The following SMYD1 variants were observed in gnomAD, a reference collection of about 807,000 sequenced individuals.
SMYD1 encodes SET and MYND domain containing 1.
SMYD1 carries 49 observed loss-of-function variants against 54.0 expected under a neutral mutation model. The observed-to-expected ratio is 0.91, with a 90% confidence interval of 0.72 to 1.15. The LOEUF (loss-of-function observed/expected upper bound fraction) is 1.15, where lower values mean the gene tolerates loss of function less well. SMYD1 is among the 50% of genes most tolerant of loss of function. The pLI, the probability that SMYD1 is intolerant of heterozygous loss-of-function variation, is 0.00. For synonymous variants in SMYD1, 269 were observed against 234.2 expected, an observed-to-expected ratio of 1.15 and a Z score of -1.36; for missense variants, 653 against 639.6, an observed-to-expected ratio of 1.02 and a Z score of -0.23.
At chr2:88,092,032 G>T (rs896014268) in intron 4 of SMYD1, among the ~76,000 whole-genome samples, 1 of 152,204 alleles carries the variant, frequency 6.6e-6, no homozygotes, top group Non-Finnish European at 1.5e-5. Context: ...GCTGGACCCG[G>T]GATAGAGGGC....
At chr2:88,084,560 A>G in intron 2 of SMYD1, 68 bp downstream of exon 2, 1 of 1,449,048 alleles carries the variant, frequency 6.9e-7, no homozygotes, top group East Asian at 2.3e-5. Context: ...GGCAGTAACA[A>G]CATTCCCAGA....
At chr2:88,085,788 T>A (rs1174052077) in intron 2 of SMYD1, among the ~76,000 whole-genome samples, 2 of 152,172 alleles carry the variant, frequency 1.3e-5, no homozygotes, top group Non-Finnish European at 2.9e-5. Context: ...TGAAGACACC[T>A]CAGTTTCCAG....
intron 1 of SMYD1, among the ~76,000 whole-genome samples, chr2:88,081,697 C>G (rs2103985765): frequency 6.6e-6 from 1 of 151,986 alleles, no homozygotes; most frequent in Non-Finnish European, 1.5e-5. Context: ...CGGCTTCCCA[C>G]AGTGCTGGGA....
At chr2:88,077,747 G>A (rs1479542505) in intron 1 of SMYD1, among the ~76,000 whole-genome samples, 5 of 144,688 alleles carry the variant, frequency 3.5e-5, no homozygotes, top group East Asian at 2.0e-4. Context: ...TTTTTGAGAC[G>A]GAGTCTCACA....
chr2:88,073,197 A>G (rs1206973647), intron 1 of SMYD1, among the ~76,000 whole-genome samples: 1 of 152,186 alleles, frequency 6.6e-6, no homozygotes, highest in African/African-American at 2.4e-5. Flanking sequence ...GCTTAGGAGA[A>G]TGGCCTCCAG....
chr2:88,087,929 T>C lies in SMYD1; in HGVS notation c.382T>C (p.Ser128Pro), dbSNP rs746179531. ...CGGGCTCACGGAGGGCTGCCTGGTG[T>C]CCGTGGACGACTTGCAGAACCACGT... ...GTGLTEGCLV[S>P]VDDLQNHVEH... Residue 128 changes from serine (S) to proline (P), a missense_variant, in exon 3 of 10, where the codon TCC becomes CCC. Coordinates refer to ENST00000419482, the MANE Select transcript of SMYD1 (RefSeq NM_198274.4). The C allele has an allele frequency of 6.2e-7, 1 of 1,613,820 alleles. No homozygotes were observed. Among genetic ancestry groups the C allele is most frequent in the South Asian group, 1.1e-5 (1 of 91,060 alleles).
At chr2:88,090,913 T>C (rs750441294) in intron 3 of SMYD1, 99 bp from the exon 4 acceptor site, 29 of 1,371,684 alleles carry the variant, frequency 2.1e-5, no homozygotes, top group Non-Finnish European at 2.8e-5. Flanking sequence ...ATCTCCAGGG[T>C]GAGACTGGGT....
chr2:88,102,971 A>G (rs1674754522), intron 6 of SMYD1, 87 bp from the exon 7 acceptor site: 1 of 1,004,296 alleles, frequency 1.0e-6, no homozygotes, highest in African/African-American at 1.6e-5. Context: ...CTTGTGCTAC[A>G]TTGAATGTCA....
In SMYD1 at chr2:88,087,963, T is replaced by C; in HGVS notation, c.416T>C (p.Phe139Ser). Residue 139 changes from phenylalanine (F) to serine (S), a missense_variant, in exon 3 of 10, where the codon TTT (phenylalanine) becomes TCT (serine). Coordinates refer to ENST00000419482, the MANE Select transcript of SMYD1 (RefSeq NM_198274.4). ...VDDLQNHVEH[F>S]GEEEQKDLRV... The stretch of plus-strand genomic sequence containing the variant: ...GACTTGCAGAACCACGTGGAGCACT[T>C]TGGGGAGGAGGAGCAGAAGGACCTG... The C allele has an allele frequency of 1.2e-6, 2 of 1,614,096 alleles. No homozygotes were observed. The highest frequency in any genetic ancestry group is 1.7e-6 in the Non-Finnish European group (2 of 1,179,992).
intron 6 of SMYD1, among the ~76,000 whole-genome samples, chr2:88,099,333 G>C (rs1017084337): frequency 6.6e-6 from 1 of 151,014 alleles, no homozygotes; most frequent in South Asian, 2.2e-4. Flanking sequence ...TGATCCGCCC[G>C]CCTCAGCCTC....
At chr2:88,104,901 TTTCCTCA>T (rs1674821864) in intron 7 of SMYD1, among the ~76,000 whole-genome samples, 1 of 152,340 alleles carries the variant, frequency 6.6e-6, no homozygotes, top group East Asian at 1.9e-4. Context: ...GGTCCATCTT[TTTCCTCA>T]CCAGGGCCAA....
intron 6 of SMYD1, among the ~76,000 whole-genome samples, chr2:88,098,027 C>T (rs1674633240): frequency 6.6e-6 from 1 of 152,110 alleles, no homozygotes; most frequent in Admixed American, 6.6e-5. Flanking sequence ...ATATTGGATG[C>T]ATGTGAGAGG....
In SMYD1 at chr2:88,112,335, C is replaced by G; in HGVS notation, c.*1823C>G. 1.7e-6 allele frequency: 1 copy of G among 592,020 alleles called. No individual in the cohort carries two copies. The highest frequency in any genetic ancestry group is 3.0e-6 in the Non-Finnish European group (1 of 331,964). The allele number at this position is 592,020 out of a possible 1,614,324, so 36.7% of individuals were successfully genotyped here. On this transcript the variant is annotated 3_prime_UTR_variant, in exon 10 of 10. Transcript: ENST00000419482. ...ATCCTATCTTTCTAATATTTGTTGT[C>G]TTTAACAAACTGTGTTCTGTGTCTG...
intron 3 of SMYD1, among the ~76,000 whole-genome samples, chr2:88,089,253 G>A (rs1289656821): frequency 6.6e-6 from 1 of 152,298 alleles, no homozygotes; most frequent in African/African-American, 2.4e-5. Flanking sequence ...CATTCTAGCA[G>A]GCACTCTGCT....
At chr2:88,092,640 T>C (rs1558853593) in intron 4 of SMYD1, among the ~76,000 whole-genome samples, 1 of 152,244 alleles carries the variant, frequency 6.6e-6, no homozygotes, top group Non-Finnish European at 1.5e-5. Flanking sequence ...AAAGTTTATT[T>C]TGGACTCAGA....
chr2:88,095,331 T>TA (rs1674556871), intron 5 of SMYD1, among the ~76,000 whole-genome samples: 1 of 152,224 alleles, frequency 6.6e-6, no homozygotes, highest in South Asian at 2.1e-4. Context: ...GAGTTGTTTT[T>TA]ATACATATTA....
chr2:88,094,577 A>G (rs1157358687), intron 5 of SMYD1, among the ~76,000 whole-genome samples: 1 of 152,200 alleles, frequency 6.6e-6, no homozygotes, highest in Admixed American at 6.5e-5. Flanking sequence ...CCCAATCTCC[A>G]GTTTCAAGTA....
At chr2:88,079,838 A>T (rs1674148924) in intron 1 of SMYD1, among the ~76,000 whole-genome samples, 2 of 152,138 alleles carry the variant, frequency 1.3e-5, no homozygotes, top group Admixed American at 6.6e-5. Flanking sequence ...AAAACAAAAA[A>T]CAATAAAAGT....
intron 1 of SMYD1, among the ~76,000 whole-genome samples, chr2:88,073,232 C>T (rs181034352): frequency 7.8e-4 from 119 of 152,214 alleles, no homozygotes; most frequent in African/African-American, 2.4e-3. Context: ...CTGCAAAGGA[C>T]GTGATTTTGT....
Sources: allele counts gnomAD v4.1 joint callset (sites outside exome capture counted in the v4.1 genomes callset), GRCh38; gene constraint gnomAD v4.1.1; transcripts MANE v1.5; gene names NCBI Gene and HGNC (gene_info 2026-07-23, HGNC 2026-07-21).